Variants in CNTN1 observed in about 807,000 individuals in gnomAD.
CNTN1 encodes the protein contactin-1.
Under a neutral mutation model 126.4 loss-of-function variants are expected in CNTN1, and 38 were observed. The ratio of observed to expected loss-of-function variants is 0.30; its 90% CI spans 0.23 to 0.39. CNTN1 has a LOEUF of 0.39. CNTN1 is among the 10% of genes least tolerant of loss of function. The pLI is 1.00. For missense variants in CNTN1, 1,009 were observed against 1,248.4 expected (o/e 0.81, Z 2.89); for synonymous variants, 413 against 422.6 (o/e 0.98, Z 0.28).
chr12:40,922,382 T>C lies in CNTN1; in HGVS notation c.354T>C (p.Asn118=). The C allele has an allele frequency of 6.2e-7, 1 of 1,614,084 alleles. No individual in the cohort carries two copies. Among genetic ancestry groups the C allele is most frequent in the Non-Finnish European group, 8.5e-7 (1 of 1,179,954 alleles). The part of the protein sequence containing the change: ...DAGIYYCLAS[N]NYGMVRSTEA... Reference sequence around the variant, plus strand: ...GAATATACTACTGTTTAGCATCTAATAACTACGGGATGGTCAGAAGCACTG... The same window carrying C: ...GAATATACTACTGTTTAGCATCTAACAACTACGGGATGGTCAGAAGCACTG... Residue 118 remains asparagine, a synonymous_variant, in exon 5 of 24, where the codon AAT becomes AAC. Coordinates refer to ENST00000551295, the MANE Select transcript of CNTN1 (RefSeq NM_001843.4).
intron 23 of CNTN1, among the ~76,000 whole-genome samples, chr12:41,035,513 C>T (rs1414665786): frequency 6.6e-6 from 1 of 152,176 alleles, no homozygotes; most frequent in East Asian, 1.9e-4. Context: ...CCTGAAGCTC[C>T]CATTCTAATG....
chr12:40,962,896 C>T (rs1435827886), intron 15 of CNTN1, among the ~76,000 whole-genome samples: 1 of 152,054 alleles, frequency 6.6e-6, no homozygotes, highest in African/African-American at 2.4e-5. Flanking sequence ...GGCAACATTT[C>T]TGTTAGTCTT....
At chr12:41,054,009 T>C (rs945495986) in intron 23 of CNTN1, among the ~76,000 whole-genome samples, 13 of 151,728 alleles carry the variant, frequency 8.6e-5, no homozygotes, top group Admixed American at 7.2e-4. Context: ...ATAAAATAAA[T>C]ATAAAAGGAA....
At chr12:40,874,026 G>A (rs1170992270) in intron 1 of CNTN1, among the ~76,000 whole-genome samples, 1 of 152,050 alleles carries the variant, frequency 6.6e-6, no homozygotes, top group African/African-American at 2.4e-5. Flanking sequence ...CTTTCCACTA[G>A]AAATGATGGT....
At chr12:40,762,772 G>C (rs973849769) in intron 1 of CNTN1, among the ~76,000 whole-genome samples, 1 of 152,112 alleles carries the variant, frequency 6.6e-6, no homozygotes, top group East Asian at 1.9e-4. Flanking sequence ...CTTTTCTTTT[G>C]TGGCTTACAT....
At chr12:40,965,766 C>T (rs1211200781) in intron 15 of CNTN1, among the ~76,000 whole-genome samples, 1 of 152,052 alleles carries the variant, frequency 6.6e-6, no homozygotes, top group Admixed American at 6.6e-5. Context: ...TGGTATCTGG[C>T]ATAAATGTTC....
At chr12:40,952,789 T>C (rs140612844) in intron 14 of CNTN1, among the ~76,000 whole-genome samples, 5 of 152,274 alleles carry the variant, frequency 3.3e-5, no homozygotes, top group African/African-American at 1.2e-4. Context: ...GTATTTTTGC[T>C]TTCTCTACTC....
intron 1 of CNTN1, among the ~76,000 whole-genome samples, chr12:40,906,159 T>C (rs73275657): frequency 0.18 from 26,880 of 151,976 alleles, 3,956 homozygotes; most frequent in African/African-American, 0.41. Context: ...TAGTCCCAGC[T>C]ACTCGGGAGG....
At chr12:40,761,580 G>T (rs1429961068) in intron 1 of CNTN1, among the ~76,000 whole-genome samples, 1 of 151,982 alleles carries the variant, frequency 6.6e-6, no homozygotes, top group East Asian at 1.9e-4. Flanking sequence ...TACTTTAAAA[G>T]GTAAGGTTTT....
At chr12:40,731,931 T>A (rs1382152771) in intron 1 of CNTN1, among the ~76,000 whole-genome samples, 1 of 152,046 alleles carries the variant, frequency 6.6e-6, no homozygotes, top group Non-Finnish European at 1.5e-5. Flanking sequence ...ATAACATGCA[T>A]GTATTACTTT....
chr12:41,052,778 A>T (rs1244364015), intron 23 of CNTN1, among the ~76,000 whole-genome samples: 3 of 152,076 alleles, frequency 2.0e-5, no homozygotes, highest in Non-Finnish European at 4.4e-5. Flanking sequence ...TCAATAGTAA[A>T]TGTCTTAAGA....
intron 1 of CNTN1, among the ~76,000 whole-genome samples, chr12:40,890,607 T>C (rs937467744): frequency 1.3e-5 from 2 of 152,188 alleles, no homozygotes; most frequent in Admixed American, 1.3e-4. Context: ...ATACAGTATA[T>C]AGTCTTTTCA....
At chr12:40,879,248 G>C (rs532576301) in intron 1 of CNTN1, among the ~76,000 whole-genome samples, 151 of 152,152 alleles carry the variant, frequency 9.9e-4, no homozygotes, top group Non-Finnish European at 1.6e-3. Context: ...ACATTGGTTG[G>C]CAGCTCTTTT....
chr12:40,848,863 T>G (rs1324884379), intron 1 of CNTN1, among the ~76,000 whole-genome samples: 1 of 150,452 alleles, frequency 6.6e-6, no homozygotes, highest in Non-Finnish European at 1.5e-5. Context: ...TAGGGACTGG[T>G]TATAAAGGAG....
intron 15 of CNTN1, chr12:40,971,521 C>T (rs201677754): frequency 1.7e-4 from 279 of 1,595,400 alleles, no homozygotes; most frequent in Non-Finnish European, 2.2e-4. Context: ...TGATCGTTGA[C>T]ACTCACCATT....
At chr12:41,039,414 A>T (rs1157319080) in intron 23 of CNTN1, among the ~76,000 whole-genome samples, 1 of 152,182 alleles carries the variant, frequency 6.6e-6, no homozygotes, top group African/African-American at 2.4e-5. Flanking sequence ...TGTGAAATGG[A>T]TATGGCAGAA....
intron 23 of CNTN1, among the ~76,000 whole-genome samples, chr12:41,036,458 A>T (rs898299973): frequency 6.6e-6 from 1 of 152,204 alleles, no homozygotes; most frequent in Non-Finnish European, 1.5e-5. Flanking sequence ...GAAACATGAA[A>T]TGAAATGAAA....
At chr12:40,768,929 A>G (rs1193797296) in intron 1 of CNTN1, among the ~76,000 whole-genome samples, 2 of 152,138 alleles carry the variant, frequency 1.3e-5, no homozygotes, top group Non-Finnish European at 2.9e-5. Context: ...TTTTATTTTT[A>G]TGTTATTGCA....
chr12:40,865,851 CA>C (rs1290004615), intron 1 of CNTN1, among the ~76,000 whole-genome samples: 4 of 151,772 alleles, frequency 2.6e-5, no homozygotes, highest in African/African-American at 2.4e-5. Flanking sequence ...TCAAAATTTG[CA>C]AAAAAGTCAG....
Sources: allele counts gnomAD v4.1 joint callset (sites outside exome capture counted in the v4.1 genomes callset), GRCh38; gene constraint gnomAD v4.1.1; transcripts MANE v1.5; gene names NCBI Gene and HGNC (gene_info 2026-07-23, HGNC 2026-07-21).